CAPN14: variants seen among roughly 807,000 people sequenced by gnomAD.
The protein encoded by CAPN14 is calpain 14.
CAPN14 carries 94 observed loss-of-function variants against 101.3 expected under a neutral mutation model. The observed-to-expected ratio is 0.93, with a 90% CI of 0.79 to 1.10. CAPN14 has a LOEUF of 1.10. CAPN14 is among the 50% of genes least tolerant of loss of function. CAPN14 has a pLI of 0.00. For missense variants in CAPN14, 837 were observed against 828.4 expected, an observed-to-expected ratio of 1.01 and a Z score of -0.13; for synonymous variants, 338 against 317.9, an observed-to-expected ratio of 1.06 and a Z score of -0.67.
rs1163364497 is a variant in CAPN14, at chr2:31,180,963, G to C, written c.1683C>G (p.Ala561=). ...GSRQPFFSLE[A]CQGILALLDL... is the part of the protein sequence containing the mutation. Reference sequence around the variant, plus strand: ...CCAGTAAGGCCAGGATCCCCTGGCAGGCTTCCAGGCTAAAGAAGGGCTGTC... The same window carrying C: ...CCAGTAAGGCCAGGATCCCCTGGCACGCTTCCAGGCTAAAGAAGGGCTGTC... Residue 561 remains alanine (A), a synonymous_variant, in exon 17 of 22, where the codon GCC becomes GCG. Coordinates refer to ENST00000403897, the MANE Select transcript of CAPN14 (RefSeq NM_001145122.2). 6.4e-7 allele frequency: 1 copy of C among 1,551,798 alleles called. No homozygotes were observed. The highest frequency in any genetic ancestry group is 1.4e-5 in the African/African-American group (1 of 73,174).
At chr2:31,209,208 G>C (rs114644732) in intron 1 of CAPN14, among the ~76,000 whole-genome samples, 7,265 of 150,090 alleles carry the variant, frequency 0.048, 175 homozygotes, top group African/African-American at 0.056. Context: ...AACTCCTGGC[G>C]TCAGGCAGTC....
Position 31,193,150 on chromosome 2 carries a change from G to A in CAPN14, c.1095C>T (p.Gly365=), listed in dbSNP as rs1041948885. 6.4e-6 allele frequency: 10 copies of A among 1,550,408 alleles called. No homozygotes were observed. In the African/African-American group the frequency reaches 1.2e-4, roughly 19 times the overall value. ...GRWEKRSTAG[G]QRQLLQDTFW... ...GCTCACCCTGCAGCAACTGCCTCTG[G>A]CCACCAGCTGTGCTCCGCTTCTCCC... The change falls in exon 10 of 22, where the codon GGC becomes GGT. Residue 365 remains glycine, a synonymous_variant. Transcript: ENST00000403897.
At chr2:31,199,638 T>A in intron 6 of CAPN14, 106 bp from the exon 7 acceptor site, 1 of 842,032 alleles carries the variant, frequency 1.2e-6, no homozygotes, top group Non-Finnish European at 1.9e-6. Context: ...GAGAGAAGTG[T>A]GGGAGATAAT....
chr2:31,192,752 C>A (rs1459116233), intron 10 of CAPN14, among the ~76,000 whole-genome samples: 1 of 152,158 alleles, frequency 6.6e-6, no homozygotes, highest in East Asian at 1.9e-4. Flanking sequence ...TTCAATCCTG[C>A]CTAGTTAGGG....
chr2:31,181,262 A>G (rs2148673235), intron 16 of CAPN14, among the ~76,000 whole-genome samples: 1 of 152,132 alleles, frequency 6.6e-6, no homozygotes, highest in South Asian at 2.1e-4. Context: ...TGCCCTTTGT[A>G]CCTAGGGAGG....
rs1003616696 is a variant in CAPN14 at position 31,191,846 on chromosome 2, G to A, written c.1278+89C>T. 4 of 1,256,518 alleles carry A rather than the reference G, an allele frequency of 3.2e-6. No individual in the cohort carries two copies. In the African/African-American group the frequency reaches 4.6e-5, roughly 14 times the overall value. 77.8% of individuals were successfully genotyped at this position (1,256,518 alleles called of 1,614,324 possible). A position where few individuals can be genotyped will look rare whatever the true frequency, so the allele number is the denominator to read the frequency against. Reference sequence around the variant, plus strand: ...CCAGGTCTGTGAACAGAGACAGATGGTGAAGAAGACAGGAAACAGGAAGAC... The same window carrying A: ...CCAGGTCTGTGAACAGAGACAGATGATGAAGAAGACAGGAAACAGGAAGAC... On this transcript the variant is annotated intron_variant, in intron 11 of 21. Coordinates refer to ENST00000403897, the MANE Select transcript of CAPN14 (RefSeq NM_001145122.2).
chr2:31,215,739 C>A (rs993465077), intron 1 of CAPN14, among the ~76,000 whole-genome samples: 1 of 151,598 alleles, frequency 6.6e-6, no homozygotes, highest in African/African-American at 2.4e-5. Flanking sequence ...GAAGACTTGG[C>A]CGGTCATTTT....
chr2:31,181,848 G>T (rs1449817885), intron 16 of CAPN14, among the ~76,000 whole-genome samples: 1 of 150,896 alleles, frequency 6.6e-6, no homozygotes, highest in Non-Finnish European at 1.5e-5. Flanking sequence ...CAAAGGACAT[G>T]AACTCATCCT....
intron 2 of CAPN14, among the ~76,000 whole-genome samples, chr2:31,223,291 C>A (rs888596975): frequency 6.6e-6 from 1 of 152,202 alleles, no homozygotes; most frequent in South Asian, 2.1e-4. Flanking sequence ...CTTTGGCTCA[C>A]CCTCTATCCA....
rs1319690769 is a variant in CAPN14, at chr2:31,177,734, T to C, written c.1855+12A>G. The C allele has an allele frequency of 3.2e-6, 5 of 1,548,998 alleles. No homozygotes were observed. Among genetic ancestry groups the C allele is most frequent in the Non-Finnish European group, 4.4e-6 (5 of 1,144,482 alleles). On this transcript the variant is annotated intron_variant, in intron 19 of 21. Coordinates refer to ENST00000403897, the MANE Select transcript of CAPN14 (RefSeq NM_001145122.2). ...CGTGTGTGCCCACAGCTCCAGCTCT[T>C]CCTGTGCCTACCTGCCTCCCTCATG... is the stretch of plus-strand genomic sequence containing the variant.
intron 1 of CAPN14, among the ~76,000 whole-genome samples, chr2:31,231,191 C>A (rs969675032): frequency 6.6e-6 from 1 of 151,588 alleles, no homozygotes; most frequent in South Asian, 2.1e-4. Context: ...CCTGGAATAT[C>A]TAAGCTTTTT....
rs1053381007 is a variant in CAPN14 at position 31,230,214 on chromosome 2, G to T, written c.-176-3563C>A. ...CCACCCTCAACTAGACCCCAGTGTG[G>T]TATATATTTTATATGAATGTGGCAC... is the stretch of plus-strand genomic sequence containing the variant. On this transcript the variant is annotated intron_variant and NMD_transcript_variant, in intron 1 of 21. Transcript: ENST00000398824. This position sits in a 1 kb window ranked among gnomAD's most constrained non-coding sequence, Gnocchi z 4.3. Among the ~76,000 whole-genome samples, 1 of 152,098 alleles carries T rather than the reference G, an allele frequency of 6.6e-6. No homozygotes were observed.
At chr2:31,206,093 C>T (rs1186543083) in intron 1 of CAPN14, among the ~76,000 whole-genome samples, 1 of 144,856 alleles carries the variant, frequency 6.9e-6, no homozygotes, top group Admixed American at 7.2e-5. Context: ...AGTGCAGTGG[C>T]GCGATCTCGG....
intron 8 of CAPN14, among the ~76,000 whole-genome samples, chr2:31,194,728 A>G (rs1322299400): frequency 6.6e-6 from 1 of 152,176 alleles, no homozygotes; most frequent in Non-Finnish European, 1.5e-5. Flanking sequence ...TTCATGTTAG[A>G]GATTAGGAAA....
chr2:31,212,648 G>A (rs892811786), intron 1 of CAPN14, among the ~76,000 whole-genome samples: 3 of 152,148 alleles, frequency 2.0e-5, no homozygotes, highest in African/African-American at 7.2e-5. Flanking sequence ...GCAAAAATAG[G>A]AACTAATTCC....
chr2:31,176,477 T>C, intron 21 of CAPN14, 110 bp downstream of exon 21: 6 of 763,154 alleles, frequency 7.9e-6, no homozygotes, highest in Non-Finnish European at 1.3e-5. Flanking sequence ...CAATTTCCAA[T>C]TCAGCAGAAT....
chr2:31,231,908 T>C (rs772596164), intron 1 of CAPN14, among the ~76,000 whole-genome samples: 94 of 152,332 alleles, frequency 6.2e-4, no homozygotes, highest in African/African-American at 2.0e-3. Context: ...TTGTTAAATA[T>C]CTTTAATATT....
chr2:31,182,567 A>G (rs1012911095), intron 16 of CAPN14, among the ~76,000 whole-genome samples: 1 of 130,418 alleles, frequency 7.7e-6, no homozygotes, highest in African/African-American at 3.5e-5. Flanking sequence ...CCAAATCATG[A>G]GTGAACTCCC....
chr2:31,186,746 T>C (rs543800953), intron 15 of CAPN14, among the ~76,000 whole-genome samples: 11 of 152,210 alleles, frequency 7.2e-5, no homozygotes, highest in Non-Finnish European at 1.5e-4. Context: ...ATGTCATCAG[T>C]CAAAACTCCA....
Sources: allele counts gnomAD v4.1 joint callset (sites outside exome capture counted in the v4.1 genomes callset), GRCh38; gene constraint gnomAD v4.1.1; non-coding constraint Gnocchi (gnomAD v3.1); transcripts MANE v1.5; gene names NCBI Gene and HGNC (gene_info 2026-07-23, HGNC 2026-07-21).